Variants in DLGAP2 observed in about 807,000 individuals in gnomAD.
The protein encoded by DLGAP2 is disks large-associated protein 2.
A neutral mutation model predicts 100.3 loss-of-function variants in DLGAP2; 26 were observed. The ratio of observed to expected loss-of-function variants is 0.26; its 90% CI spans 0.19 to 0.36. The LOEUF (loss-of-function observed/expected upper bound fraction) is 0.36. Among genes scored for constraint, DLGAP2 ranks in the 10% least tolerant of loss-of-function variants. The pLI is 1.00. For synonymous variants in DLGAP2, 886 were observed against 630.1 expected, an observed-to-expected ratio of 1.41 and a Z score of -6.08; for missense variants, 1,858 against 1,453.2, an observed-to-expected ratio of 1.28 and a Z score of -4.53.
At chr8:1,031,317 G>C (rs967598734) in intron 2 of DLGAP2, among the ~76,000 whole-genome samples, 1 of 152,166 alleles carries the variant, frequency 6.6e-6, no homozygotes, top group African/African-American at 2.4e-5. Context: ...GATGGCTCCA[G>C]GTCTTGTGCT....
intron 2 of DLGAP2, among the ~76,000 whole-genome samples, chr8:981,493 G>T (rs1222863577): frequency 6.6e-6 from 1 of 152,084 alleles, no homozygotes; most frequent in African/African-American, 2.4e-5. Context: ...ACCTTTTAAG[G>T]AATAGTCAAA....
At chr8:1,512,979 T>G in intron 4 of DLGAP2, among the ~76,000 whole-genome samples, 1 of 145,896 alleles carries the variant, frequency 6.9e-6, no homozygotes, top group East Asian at 2.1e-4. Flanking sequence ...GGCCAGGCCC[T>G]GGGAGGATCA....
In DLGAP2 at chr8:1,679,979, C is replaced by CAAAAA. The variant is rs760100523; in HGVS notation, c.2704+1370_2704+1374dup. Among the ~76,000 whole-genome samples the CAAAAA allele has an allele frequency of 5.3e-3, 337 of 63,076 alleles. 1 individual carries two copies. The highest frequency in any genetic ancestry group is 6.3e-3 in the Non-Finnish European group (213 of 33,872). The allele number at this position is 63,076 out of a possible 152,430, so 41.4% of individuals were successfully genotyped here. A position where few individuals can be genotyped will look rare whatever the true frequency, so the allele number is the denominator to read the frequency against. On this transcript the variant is annotated intron_variant, in intron 12 of 14. Coordinates refer to ENST00000637795, the MANE Select transcript of DLGAP2 (RefSeq NM_001346810.2). ...TGGGCAACAGAATGAGACTCTGTCT[C>CAAAAA]AAAAAAAAAAAAAAAAAAAAAAAAG... is the stretch of plus-strand genomic sequence containing the variant.
rs970280487 is a variant in DLGAP2, at chr8:1,314,355, G to A, written c.106+55472G>A. Among the ~76,000 whole-genome samples, 9 of 152,224 alleles carry A rather than the reference G, an allele frequency of 5.9e-5. No homozygotes were observed. In the South Asian group the frequency reaches 1.2e-3, roughly 21 times the overall value. On this transcript the variant is annotated intron_variant, in intron 3 of 14. Transcript: ENST00000637795. ...AGCCAACTGAAGTGATTTTGCCGTC[G>A]CACTGTTCACCTTGGAAGTGCATAT...
intron 1 of DLGAP2, among the ~76,000 whole-genome samples, chr8:838,674 T>A (rs143183432): frequency 6.6e-6 from 1 of 152,186 alleles, no homozygotes; most frequent in South Asian, 2.1e-4. Flanking sequence ...TATATTGTCA[T>A]GTTAATGCAA....
chr8:1,391,314 T>G (rs1156377461), intron 3 of DLGAP2, among the ~76,000 whole-genome samples: 3 of 152,140 alleles, frequency 2.0e-5, no homozygotes, highest in African/African-American at 7.2e-5. Flanking sequence ...GTAGGGGTTT[T>G]GGGGTACCCT....
At chr8:1,172,959 GC>G (rs1160120858) in intron 2 of DLGAP2, among the ~76,000 whole-genome samples, 1 of 152,124 alleles carries the variant, frequency 6.6e-6, no homozygotes, top group African/African-American at 2.4e-5. Flanking sequence ...GAGGTGCTCT[GC>G]TTTTTAGAGT....
intron 3 of DLGAP2, among the ~76,000 whole-genome samples, chr8:1,345,605 C>T (rs897480904): frequency 7.2e-5 from 11 of 152,162 alleles, no homozygotes; most frequent in Non-Finnish European, 1.5e-4. Context: ...TGTCATAGTC[C>T]TTCATGTGTG....
intron 2 of DLGAP2, among the ~76,000 whole-genome samples, chr8:933,077 C>G (rs1053022925): frequency 2.0e-5 from 3 of 152,240 alleles, no homozygotes; most frequent in African/African-American, 7.2e-5. Flanking sequence ...AGCATACCTT[C>G]CGATCCTGTC....
intron 2 of DLGAP2, among the ~76,000 whole-genome samples, chr8:1,185,439 T>C (rs73537274): frequency 6.6e-6 from 1 of 151,896 alleles, no homozygotes; most frequent in Non-Finnish European, 1.5e-5. Context: ...TGGGATGAGA[T>C]AGAATGGTTT....
At chr8:891,995 A>C (rs1051080239) in intron 1 of DLGAP2, among the ~76,000 whole-genome samples, 11 of 152,254 alleles carry the variant, frequency 7.2e-5, no homozygotes, top group African/African-American at 2.7e-4. Flanking sequence ...TGCATGAGTC[A>C]GTGCCGAGAA....
At chr8:1,175,324 C>T (rs1470621037) in intron 2 of DLGAP2, among the ~76,000 whole-genome samples, 2 of 152,052 alleles carry the variant, frequency 1.3e-5, no homozygotes, top group African/African-American at 4.8e-5. Flanking sequence ...TACGTGTGGG[C>T]TTAGTTTTCT....
intron 2 of DLGAP2, among the ~76,000 whole-genome samples, chr8:1,052,494 A>G (rs771258650): frequency 3.3e-5 from 5 of 152,180 alleles, no homozygotes; most frequent in African/African-American, 9.7e-5. Context: ...AGGAGGGAGT[A>G]TCATCTTTGG....
chr8:932,130 T>A (rs1439106034), intron 2 of DLGAP2, among the ~76,000 whole-genome samples: 1 of 152,194 alleles, frequency 6.6e-6, no homozygotes, highest in African/African-American at 2.4e-5. Flanking sequence ...AGAGCAAGTG[T>A]CTGATGTTTT....
chr8:873,356 G>C (rs1438032355), intron 1 of DLGAP2, among the ~76,000 whole-genome samples: 1 of 152,140 alleles, frequency 6.6e-6, no homozygotes. Flanking sequence ...AGGACCACCA[G>C]CACAATTTTG....
intron 2 of DLGAP2, among the ~76,000 whole-genome samples, chr8:1,165,071 C>T (rs1017613728): frequency 2.0e-5 from 3 of 151,860 alleles, no homozygotes; most frequent in African/African-American, 7.3e-5. Flanking sequence ...TCCCTCTGGG[C>T]CGCTCCAGAT....
intron 4 of DLGAP2, among the ~76,000 whole-genome samples, chr8:1,533,967 A>G (rs1442785578): frequency 6.6e-6 from 1 of 152,246 alleles, no homozygotes. Flanking sequence ...AAAATAAAAT[A>G]CTATGAATAC....
chr8:988,499 G>T (rs1800551878), intron 2 of DLGAP2, among the ~76,000 whole-genome samples: 1 of 152,168 alleles, frequency 6.6e-6, no homozygotes, highest in Admixed American at 6.5e-5. Flanking sequence ...TTTGCAGTTT[G>T]TTTGGCAACA....
chr8:1,155,367 C>T (rs1479531839), intron 2 of DLGAP2, among the ~76,000 whole-genome samples: 1 of 152,190 alleles, frequency 6.6e-6, no homozygotes. Flanking sequence ...GCTGGGGGGT[C>T]TCCCCGGATG....
Sources: allele counts gnomAD v4.1 joint callset (sites outside exome capture counted in the v4.1 genomes callset), GRCh38; gene constraint gnomAD v4.1.1; transcripts MANE v1.5; gene names NCBI Gene and HGNC (gene_info 2026-07-23, HGNC 2026-07-21).